Variants in WWOX observed in about 807,000 individuals in gnomAD.
WWOX encodes WW domain containing oxidoreductase, also known as WW domain-containing oxidoreductase.
A neutral mutation model predicts 46.2 loss-of-function variants in WWOX; 69 were observed. That is an observed-to-expected ratio of 1.49 (90% CI 1.23 to 1.82). WWOX has a LOEUF of 1.82. WWOX is among the 40% of genes most tolerant of loss of function. The probability of loss-of-function intolerance (pLI) is 0.00; values close to 1 mark genes in which losing one functional copy is unlikely to be tolerated. For missense variants in WWOX, 919 were observed against 542.6 expected (o/e 1.69, Z -6.89); for synonymous variants, 359 against 202.6 (o/e 1.77, Z -6.56).
chr16:78,322,133 T>C (rs2080496311), intron 5 of WWOX, among the ~76,000 whole-genome samples: 2 of 152,124 alleles, frequency 1.3e-5, no homozygotes, highest in Admixed American at 6.5e-5. Flanking sequence ...TATTTACTTC[T>C]CACTTGCCCT....
At chr16:79,207,226 G>C (rs2150848598) in intron 8 of WWOX, among the ~76,000 whole-genome samples, 1 of 152,348 alleles carries the variant, frequency 6.6e-6, no homozygotes, top group South Asian at 2.1e-4. Flanking sequence ...TGTATTCACA[G>C]AGTCAATGGA....
At chr16:78,652,102 G>A (rs529521146) in intron 8 of WWOX, among the ~76,000 whole-genome samples, 10 of 152,006 alleles carry the variant, frequency 6.6e-5, no homozygotes, top group Non-Finnish European at 1.2e-4. Context: ...TTGAGACCAG[G>A]GCTCCTGGTC....
chr16:78,672,952 A>C (rs1311355671), intron 8 of WWOX, among the ~76,000 whole-genome samples: 1 of 152,234 alleles, frequency 6.6e-6, no homozygotes, highest in Admixed American at 6.5e-5. Flanking sequence ...TGTGCAATCC[A>C]TAAGAGGGCA....
intron 8 of WWOX, among the ~76,000 whole-genome samples, chr16:79,056,070 C>T (rs1296553515): frequency 1.3e-5 from 2 of 150,752 alleles, no homozygotes; most frequent in African/African-American, 5.0e-5. Context: ...AATAGCTTAG[C>T]ACAGCTCAGC....
intron 5 of WWOX, among the ~76,000 whole-genome samples, chr16:78,261,939 C>G (rs8054537): frequency 0.66 from 99,036 of 149,990 alleles, 33,805 homozygotes; most frequent in East Asian, 0.88. Context: ...ATGCAAATTG[C>G]AAGACCTAGT....
intron 8 of WWOX, among the ~76,000 whole-genome samples, chr16:78,855,249 C>G (rs58597931): frequency 2.0e-5 from 3 of 152,030 alleles, no homozygotes; most frequent in African/African-American, 7.2e-5. Flanking sequence ...GATTAAAAAC[C>G]AAAGTACTAA....
chr16:78,758,090 A>G (rs80105706), intron 8 of WWOX, among the ~76,000 whole-genome samples: 5,345 of 152,242 alleles, frequency 0.035, 289 homozygotes, highest in African/African-American at 0.12. Context: ...AGATCTAATT[A>G]ATGTTGAAAT....
intron 4 of WWOX, among the ~76,000 whole-genome samples, chr16:78,134,955 A>G (rs889167841): frequency 2.0e-5 from 3 of 152,212 alleles, no homozygotes; most frequent in African/African-American, 4.8e-5. Context: ...CTGGTGACAA[A>G]TGGTGCTGAT....
chr16:78,755,277 C>G (rs964634817), intron 8 of WWOX, among the ~76,000 whole-genome samples: 2 of 151,760 alleles, frequency 1.3e-5, no homozygotes, highest in African/African-American at 2.4e-5. Context: ...AAAAGAGACT[C>G]TCTTCCTTGA....
chr16:79,108,732 C>A (rs1040498184), intron 8 of WWOX, among the ~76,000 whole-genome samples: 2 of 151,924 alleles, frequency 1.3e-5, no homozygotes. Context: ...TGAGACCCCA[C>A]CTCTACAAAA....
chr16:78,513,589 A>T (rs2085415551), intron 8 of WWOX, among the ~76,000 whole-genome samples: 1 of 152,236 alleles, frequency 6.6e-6, no homozygotes, highest in South Asian at 2.1e-4. Flanking sequence ...CAGGGGAAAT[A>T]GTAAAATATT....
At chr16:78,634,390 G>A (rs973023616) in intron 8 of WWOX, among the ~76,000 whole-genome samples, 7 of 152,220 alleles carry the variant, frequency 4.6e-5, no homozygotes, top group Non-Finnish European at 7.4e-5. Flanking sequence ...CTGTTTGACT[G>A]GGAGAGCAAG....
intron 8 of WWOX, among the ~76,000 whole-genome samples, chr16:79,137,827 C>G (rs2050012237): frequency 6.6e-6 from 1 of 152,090 alleles, no homozygotes; most frequent in Admixed American, 6.5e-5. Flanking sequence ...CTGGGTCAGG[C>G]TTCTGGCCCC....
At chr16:78,547,405 G>A (rs756460762) in intron 8 of WWOX, among the ~76,000 whole-genome samples, 1 of 152,128 alleles carries the variant, frequency 6.6e-6, no homozygotes, top group African/African-American at 2.4e-5. Context: ...GACACAGCAT[G>A]CACCCAAATG....
intron 3 of WWOX, among the ~76,000 whole-genome samples, chr16:78,110,190 A>G (rs1463385120): frequency 6.6e-6 from 1 of 151,868 alleles, no homozygotes; most frequent in Non-Finnish European, 1.5e-5. Context: ...AAATATAAAA[A>G]TGAGCTGGGT....
intron 8 of WWOX, among the ~76,000 whole-genome samples, chr16:78,724,310 G>T (rs1280424175): frequency 6.6e-6 from 1 of 152,124 alleles, no homozygotes; most frequent in Non-Finnish European, 1.5e-5. Context: ...CATTATCTCT[G>T]TGATTAACTT....
intron 8 of WWOX, among the ~76,000 whole-genome samples, chr16:78,583,704 C>G (rs117685990): frequency 5.3e-5 from 8 of 152,274 alleles, no homozygotes; most frequent in Non-Finnish European, 5.9e-5. Context: ...CCCAGGAACC[C>G]GTGCCCTGAT....
chr16:78,541,988 T>C (rs959027834), intron 8 of WWOX, among the ~76,000 whole-genome samples: 3 of 118,160 alleles, frequency 2.5e-5, no homozygotes, highest in African/African-American at 9.4e-5. Flanking sequence ...TGAAGTCAGT[T>C]ACCAGAGGGT....
At chr16:78,418,305 A>G (rs1484861828) in intron 6 of WWOX, among the ~76,000 whole-genome samples, 2 of 151,950 alleles carry the variant, frequency 1.3e-5, no homozygotes, top group Non-Finnish European at 2.9e-5. Flanking sequence ...TGGAGCTTGC[A>G]GTGAGCCGAG....
Sources: gnomAD v4.1 joint callset for allele counts (sites outside exome capture counted in the v4.1 genomes callset) on GRCh38, gnomAD v4.1.1 for gene constraint, MANE v1.5 for transcripts, NCBI Gene and HGNC (gene_info 2026-07-23, HGNC 2026-07-21) for gene names.